Variants in ARID5B observed in about 807,000 individuals in gnomAD.
The protein encoded by ARID5B is AT-rich interactive domain-containing protein 5B.
Under a neutral mutation model 97.2 loss-of-function variants are expected in ARID5B, and 13 were observed. The ratio of observed to expected loss-of-function variants is 0.13; its 90% CI spans 0.09 to 0.21. The LOEUF (loss-of-function observed/expected upper bound fraction) is 0.21, where lower values mean the gene tolerates loss of function less well. Ranked by LOEUF, ARID5B falls within the 10% of genes least tolerant of loss-of-function variation. ARID5B has a pLI of 1.00. For synonymous variants in ARID5B, 556 were observed against 570.3 expected, an observed-to-expected ratio of 0.97 and a Z score of 0.36; for missense variants, 1,210 against 1,465.3, an observed-to-expected ratio of 0.83 and a Z score of 2.84.
At chr10:61,914,114 G>A (rs562359663) in intron 2 of ARID5B, among the ~76,000 whole-genome samples, 3 of 152,324 alleles carry the variant, frequency 2.0e-5, no homozygotes, top group African/African-American at 7.2e-5. Context: ...TGATATCCAG[G>A]ATCCCAGACT....
intron 4 of ARID5B, among the ~76,000 whole-genome samples, chr10:62,032,581 G>C (rs1839511030): frequency 6.6e-6 from 1 of 151,938 alleles, no homozygotes; most frequent in African/African-American, 2.4e-5. Flanking sequence ...CGGGCGTGGT[G>C]ATGGGCGCCT....
intron 5 of ARID5B, among the ~76,000 whole-genome samples, chr10:62,054,593 A>C (rs965234144): frequency 6.6e-6 from 1 of 152,150 alleles, no homozygotes; most frequent in Non-Finnish European, 1.5e-5. Context: ...GACCTGGTTC[A>C]TGCACCCCTC....
chr10:62,055,854 G>A (rs1304069009), intron 5 of ARID5B, among the ~76,000 whole-genome samples: 1 of 149,232 alleles, frequency 6.7e-6, no homozygotes, highest in African/African-American at 2.5e-5. Flanking sequence ...AGTCTTTTAT[G>A]TTCTTAATGC....
At chr10:61,984,561 G>C (rs891284499) in intron 3 of ARID5B, among the ~76,000 whole-genome samples, 4 of 152,074 alleles carry the variant, frequency 2.6e-5, no homozygotes, top group Admixed American at 6.6e-5. Flanking sequence ...GCAGCAGGTG[G>C]GGGGGGCCTC....
intron 3 of ARID5B, among the ~76,000 whole-genome samples, chr10:61,995,707 T>C (rs1838986837): frequency 6.6e-6 from 1 of 152,194 alleles, no homozygotes; most frequent in African/African-American, 2.4e-5. Flanking sequence ...CCAGACTGTT[T>C]TACTCAGTGA....
At chr10:61,951,414 C>T (rs1838323152) in intron 3 of ARID5B, among the ~76,000 whole-genome samples, 1 of 152,180 alleles carries the variant, frequency 6.6e-6, no homozygotes, top group Non-Finnish European at 1.5e-5. Context: ...TGGGCAGCCC[C>T]ACTTGCTTTT....
At chr10:61,965,666 G>A (rs1249301449) in intron 3 of ARID5B, among the ~76,000 whole-genome samples, 6 of 152,000 alleles carry the variant, frequency 3.9e-5, no homozygotes, top group East Asian at 1.9e-4. Context: ...GTTCCCAAGG[G>A]TTCTATTTTT....
intron 4 of ARID5B, among the ~76,000 whole-genome samples, chr10:62,047,787 G>C (rs1839730511): frequency 6.6e-6 from 1 of 152,164 alleles, no homozygotes. Context: ...TGACTCTAGA[G>C]GGACAAAGAT....
chr10:62,093,197 G>A lies in ARID5B; in HGVS notation c.*167G>A. Reference sequence around the variant, plus strand: ...GGAGGTGAACATGCCTGATTTTTGTGGGACAACTCTAGCCCACAAACTGAC... The same window carrying A: ...GGAGGTGAACATGCCTGATTTTTGTAGGACAACTCTAGCCCACAAACTGAC... On this transcript the variant is annotated 3_prime_UTR_variant, in exon 10 of 10. Transcript: ENST00000279873. 1 of 1,062,898 alleles carries A rather than the reference G, an allele frequency of 9.4e-7. No homozygotes were observed. The highest frequency in any genetic ancestry group is 1.3e-6 in the Non-Finnish European group (1 of 764,896). The allele number at this position is 1,062,898 out of a possible 1,614,324, so 65.8% of individuals were successfully genotyped here.
chr10:61,985,408 G>A (rs1589246575), intron 3 of ARID5B, among the ~76,000 whole-genome samples: 1 of 151,838 alleles, frequency 6.6e-6, no homozygotes, highest in African/African-American at 2.4e-5. Flanking sequence ...TCCACAGAAG[G>A]TATTCCCTTG....
rs559793249 is a variant in ARID5B, at chr10:62,046,199, TA to T, written c.734-4681del. On this transcript the variant is annotated intron_variant, in intron 4 of 9. Transcript: ENST00000279873. ...GTATTTCCAAGAGCATAAATGCTAT[TA>T]AAAAAAAGAGACGGTCATGACAGGA... Among the ~76,000 whole-genome samples, 171 of 151,952 alleles carry T rather than the reference TA, an allele frequency of 1.1e-3. 1 individual carries two copies. The highest frequency in any genetic ancestry group is 3.4e-3 in the Middle Eastern group (1 of 292).
chr10:62,069,879 G>A, intron 8 of ARID5B, 82 bp downstream of exon 8: 1 of 1,391,862 alleles, frequency 7.2e-7, no homozygotes, highest in Non-Finnish European at 9.9e-7. Context: ...GACAGAGGAA[G>A]TCTAAATGAC....
At chr10:62,021,079 T>G (rs1008806576) in intron 4 of ARID5B, among the ~76,000 whole-genome samples, 11 of 140,772 alleles carry the variant, frequency 7.8e-5, no homozygotes, top group Non-Finnish European at 1.5e-4. Context: ...TCTCAGAAGA[T>G]AGAAGACAAA....
At chr10:61,907,105 G>A (rs529253328) in intron 2 of ARID5B, among the ~76,000 whole-genome samples, 9 of 152,310 alleles carry the variant, frequency 5.9e-5, no homozygotes, top group Non-Finnish European at 1.3e-4. Flanking sequence ...GGACATGTGG[G>A]CTTCCAAATC....
rs373767953 is a variant in ARID5B, at chr10:62,081,101, C to A, written c.1200-4601C>A. 2.9e-3 allele frequency among the ~76,000 whole-genome samples: 436 copies of A among 152,280 alleles called. 7 individuals are homozygous for A. Among genetic ancestry groups the A allele is most frequent in the Middle Eastern group, 6.8e-3 (2 of 294 alleles). ...TACAGGCGTGAGCTACCACACTTGG[C>A]CAGTAGTGGCATCTTTGACCTGACA... On this transcript the variant is annotated intron_variant, in intron 8 of 9. Coordinates refer to ENST00000279873, the MANE Select transcript of ARID5B (RefSeq NM_032199.3).
At chr10:61,905,980 A>G (rs1425646785) in intron 2 of ARID5B, among the ~76,000 whole-genome samples, 2 of 152,202 alleles carry the variant, frequency 1.3e-5, no homozygotes, top group African/African-American at 4.8e-5. Flanking sequence ...AGCATTCAAG[A>G]AAGTCACATT....
chr10:62,011,151 T>C (rs992994613), intron 4 of ARID5B, among the ~76,000 whole-genome samples: 1 of 152,138 alleles, frequency 6.6e-6, no homozygotes, highest in Non-Finnish European at 1.5e-5. Flanking sequence ...GAAAGGCAAG[T>C]TCATAACACA....
chr10:61,915,607 GT>G lies in ARID5B; in HGVS notation c.276+13195del, dbSNP rs1843887675. Among the ~76,000 whole-genome samples, 8 of 152,260 alleles carry G rather than the reference GT, an allele frequency of 5.3e-5. No homozygotes were observed. The South Asian group carries it at 6.2e-4, about 12-fold the overall frequency. On this transcript the variant is annotated intron_variant, in intron 2 of 9. Coordinates refer to ENST00000279873, the MANE Select transcript of ARID5B (RefSeq NM_032199.3). ...GTTTGCCCACTGGAGGGACCAGTTG[GT>G]CTAGGTATCATCTAGACACCTGGGG... is the stretch of plus-strand genomic sequence containing the variant.
Position 62,056,969 on chromosome 10 carries a change from C to T in ARID5B, c.847-148C>T, listed in dbSNP as rs1839864495. On this transcript the variant is annotated intron_variant, in intron 5 of 9. Coordinates refer to ENST00000279873, the MANE Select transcript of ARID5B (RefSeq NM_032199.3). ...CTCAGACAATTCATCTTCAGTGATG[C>T]CTCTGAAAAGCTATTAAAAGCAGGG... is the stretch of plus-strand genomic sequence containing the variant. 4 of 705,948 alleles carry T rather than the reference C, an allele frequency of 5.7e-6. No individual in the cohort carries two copies. In the Admixed American group the frequency reaches 1.2e-4, roughly 21 times the overall value. 43.7% of individuals were successfully genotyped at this position (705,948 alleles called of 1,614,324 possible).
Sources: allele counts gnomAD v4.1 joint callset (sites outside exome capture counted in the v4.1 genomes callset), GRCh38; gene constraint gnomAD v4.1.1; transcripts MANE v1.5; gene names NCBI Gene and HGNC (gene_info 2026-07-23, HGNC 2026-07-21).